Variants in CA10 observed in about 807,000 individuals in gnomAD.
CA10 encodes carbonic anhydrase 10 (inactive).
CA10 carries 14 observed loss-of-function variants against 44.2 expected under a neutral mutation model. The ratio of observed to expected loss-of-function variants is 0.32; its 90% confidence interval spans 0.21 to 0.50. The LOEUF is 0.50. Among genes scored for constraint, CA10 ranks in the 20% least tolerant of loss-of-function variants. The pLI is 0.99. For missense variants in CA10, 350 were observed against 409.7 expected (o/e 0.85, Z 1.26); for synonymous variants, 159 against 141.6 (o/e 1.12, Z -0.87).
chr17:51,831,733 A>AGCAGCAGCCGCCGCCGCAGC (rs1567854687), intron 3 of CA10, among the ~76,000 whole-genome samples: 1 of 121,522 alleles, frequency 8.2e-6, no homozygotes, highest in African/African-American at 4.1e-5. Context: ...GCAGCAGCAG[A>AGCAGCAGCCGCCGCCGCAGC]AAAAGACCTT....
intron 4 of CA10, among the ~76,000 whole-genome samples, chr17:51,675,543 C>T (rs1914594646): frequency 3.1e-5 from 3 of 97,524 alleles, no homozygotes; most frequent in South Asian, 8.2e-4. Context: ...AGTAAGACTC[C>T]ATCTCAAAAA....
At chr17:51,820,481 G>C (rs12945772) in intron 3 of CA10, among the ~76,000 whole-genome samples, 1 of 127,996 alleles carries the variant, frequency 7.8e-6, no homozygotes, top group African/African-American at 3.0e-5. Flanking sequence ...CTTTCTATCA[G>C]ATAGTCTTTT....
intron 3 of CA10, among the ~76,000 whole-genome samples, chr17:51,757,067 G>A (rs749316224): frequency 2.0e-5 from 3 of 152,160 alleles, no homozygotes; most frequent in Non-Finnish European, 2.9e-5. Flanking sequence ...CTTTGCAACC[G>A]AAGTTTCCTG....
At chr17:51,830,824 T>G (rs1908213306) in intron 3 of CA10, among the ~76,000 whole-genome samples, 1 of 152,162 alleles carries the variant, frequency 6.6e-6, no homozygotes, top group South Asian at 2.1e-4. Context: ...TTCCCCATAT[T>G]TTAGTTAAAT....
intron 3 of CA10, among the ~76,000 whole-genome samples, chr17:51,820,010 A>G (rs1012096539): frequency 6.6e-6 from 1 of 151,858 alleles, no homozygotes; most frequent in Non-Finnish European, 1.5e-5. Context: ...CTGAGTTCCC[A>G]TATACATTTT....
chr17:52,023,594 CA>C (rs1321009144), intron 2 of CA10, among the ~76,000 whole-genome samples: 1 of 151,462 alleles, frequency 6.6e-6, no homozygotes, highest in Non-Finnish European at 1.5e-5. Flanking sequence ...ACAATTGCAA[CA>C]AAAAAACCTC....
chr17:51,976,508 C>A (rs534999242), intron 2 of CA10, among the ~76,000 whole-genome samples: 3 of 152,122 alleles, frequency 2.0e-5, no homozygotes, highest in Non-Finnish European at 4.4e-5. Context: ...ACTTATGTGT[C>A]AGACAAGGAA....
intron 4 of CA10, among the ~76,000 whole-genome samples, chr17:51,734,882 G>GTT (rs1916847393): frequency 5.3e-5 from 8 of 152,168 alleles, no homozygotes; most frequent in African/African-American, 1.9e-4. Flanking sequence ...CAACACACCA[G>GTT]CAGGCTCAGT....
In CA10 at chr17:52,143,429, T is replaced by A. The variant is rs188765835; in HGVS notation, c.61+14297A>T. Among the ~76,000 whole-genome samples, 4 of 152,304 alleles carry A rather than the reference T, an allele frequency of 2.6e-5. No individual in the cohort carries two copies. The East Asian group carries it at 5.8e-4, about 22-fold the overall frequency. On this transcript the variant is annotated intron_variant, in intron 1 of 8. Transcript: ENST00000451037. ...GGTTATGTGATTATAAGTGATCTGT[T>A]TTTTCTCTTTTTTCCCAATTATTTT...
chr17:51,721,191 G>A (rs961396324), intron 4 of CA10, among the ~76,000 whole-genome samples: 1 of 152,140 alleles, frequency 6.6e-6, no homozygotes, highest in Admixed American at 6.5e-5. Flanking sequence ...AATTAGCCTG[G>A]CATGGTGGCG....
At chr17:51,999,058 C>T (rs528507855) in intron 2 of CA10, among the ~76,000 whole-genome samples, 1 of 152,104 alleles carries the variant, frequency 6.6e-6, no homozygotes, top group South Asian at 2.1e-4. Flanking sequence ...ACAATATATG[C>T]TTTTTCCCTC....
At chr17:51,802,592 C>T (rs765542164) in intron 3 of CA10, among the ~76,000 whole-genome samples, 5 of 133,324 alleles carry the variant, frequency 3.8e-5, no homozygotes, top group Middle Eastern at 8.1e-3. Context: ...AAAAAAACAA[C>T]CAGAAGCACT....
chr17:51,854,436 C>G lies in CA10; in HGVS notation c.279+76554G>C, dbSNP rs530849437. 1.2e-4 allele frequency among the ~76,000 whole-genome samples: 18 copies of G among 152,304 alleles called. No individual in the cohort carries two copies. The Middle Eastern group carries it at 0.01, about 86-fold the overall frequency. ...CATGTCCATGCAATTTGTAAGTTAA[C>G]AGCAGGCACTCAATCTCTTGACTCT... On this transcript the variant is annotated intron_variant, in intron 3 of 8. Transcript: ENST00000451037.
chr17:51,889,502 T>C (rs1412276467), intron 3 of CA10, among the ~76,000 whole-genome samples: 1 of 152,138 alleles, frequency 6.6e-6, no homozygotes, highest in African/African-American at 2.4e-5. Flanking sequence ...CCAGCCTAGA[T>C]GACAGTGAGG....
intron 2 of CA10, among the ~76,000 whole-genome samples, chr17:51,966,898 G>GA (rs1196116619): frequency 6.6e-6 from 1 of 151,500 alleles, no homozygotes; most frequent in Non-Finnish European, 1.5e-5. Flanking sequence ...TCTGTACAGC[G>GA]AAAGAAACTA....
intron 2 of CA10, among the ~76,000 whole-genome samples, chr17:51,935,898 G>A (rs1233406890): frequency 2.6e-5 from 4 of 152,132 alleles, no homozygotes; most frequent in East Asian, 1.9e-4. Flanking sequence ...AATCAAGTCC[G>A]ATAAGGAGAG....
At chr17:51,953,699 A>G (rs1213809393) in intron 2 of CA10, among the ~76,000 whole-genome samples, 1 of 152,156 alleles carries the variant, frequency 6.6e-6, no homozygotes, top group East Asian at 1.9e-4. Flanking sequence ...TAAATATACC[A>G]ATAGCATTTT....
At chr17:51,981,431 A>G (rs1984650228) in intron 2 of CA10, among the ~76,000 whole-genome samples, 1 of 152,034 alleles carries the variant, frequency 6.6e-6, no homozygotes, top group African/African-American at 2.4e-5. Context: ...AAAAGAATAC[A>G]TATTAAAGGA....
chr17:51,791,467 C>T (rs1018869091), intron 3 of CA10, among the ~76,000 whole-genome samples: 4 of 152,176 alleles, frequency 2.6e-5, no homozygotes, highest in Non-Finnish European at 4.4e-5. Context: ...AAATAAAATT[C>T]CCTGTGAATT....
Sources: allele counts gnomAD v4.1 joint callset (sites outside exome capture counted in the v4.1 genomes callset), GRCh38; gene constraint gnomAD v4.1.1; transcripts MANE v1.5; gene names NCBI Gene and HGNC (gene_info 2026-07-23, HGNC 2026-07-21).